Variants in DLD observed in about 807,000 individuals in gnomAD.
DLD encodes dihydrolipoyl dehydrogenase, mitochondrial.
A neutral mutation model predicts 62.2 loss-of-function variants in DLD; 36 were observed. The observed-to-expected ratio is 0.58, with a 90% CI of 0.44 to 0.76. The LOEUF is 0.76. Among genes scored for constraint, DLD ranks in the 30% least tolerant of loss-of-function variants. DLD has a pLI of 0.00. For missense variants in DLD, 541 were observed against 608.6 expected (o/e 0.89, Z 1.17); for synonymous variants, 204 against 199.6 (o/e 1.02, Z -0.19).
chr7:107,901,885 G>C (rs570777131), intron 3 of DLD, 68 bp downstream of exon 3: 1 of 1,322,658 alleles, frequency 7.6e-7, no homozygotes, highest in Non-Finnish European at 1.1e-6. Context: ...TATTTATAAA[G>C]TACTTTGCAG....
In DLD at chr7:107,905,336, A is replaced by C. The variant is rs1486604129; in HGVS notation, c.439-25A>C. On this transcript the variant is annotated intron_variant, in intron 6 of 13. Transcript: ENST00000205402. ...CAAACAAATTACTTTAAACTTTGTGAATTTATAAAGATTATTTTGTAAAGG... is the reference window on the plus strand; with the variant it reads ...CAAACAAATTACTTTAAACTTTGTGCATTTATAAAGATTATTTTGTAAAGG... 1.9e-6 allele frequency: 3 copies of C among 1,600,884 alleles called. No homozygotes were observed. The Admixed American group carries it at 5.0e-5, about 27-fold the overall frequency.
At chr7:107,898,709 G>A (rs975114893) in intron 2 of DLD, among the ~76,000 whole-genome samples, 3 of 151,828 alleles carry the variant, frequency 2.0e-5, no homozygotes, top group African/African-American at 7.3e-5. Flanking sequence ...TCCTGCCTCA[G>A]CCTCCCCAGC....
chr7:107,908,750 G>T (rs1159040063), intron 8 of DLD, among the ~76,000 whole-genome samples: 1 of 151,752 alleles, frequency 6.6e-6, no homozygotes, highest in South Asian at 2.1e-4. Flanking sequence ...GAAAGCTCAA[G>T]TCTTTCATTT....
At position 107,898,429 on chromosome 7, in the gene DLD, T is replaced by C. The variant is rs76653442; in HGVS notation, c.119-3309T>C. ...CCGAGTAGCTGGGGTTACAGGTGCT[T>C]GCCACCACGCCTGGCAATATTTTGT... On this transcript the variant is annotated intron_variant, in intron 2 of 13. Coordinates refer to ENST00000205402, the MANE Select transcript of DLD (RefSeq NM_000108.5). 9.0e-3 allele frequency among the ~76,000 whole-genome samples: 1,364 copies of C among 151,394 alleles called. 18 individuals carry two copies. The highest frequency in any genetic ancestry group is 0.031 in the African/African-American group (1,295 of 41,226).
At chr7:107,904,647 C>T (rs1433867653) in intron 5 of DLD, 6 of 482,196 alleles carry the variant, frequency 1.2e-5, no homozygotes, top group Non-Finnish European at 2.4e-5. Flanking sequence ...GTCATTTCTA[C>T]TTACATATCT....
rs757785953 is a variant in DLD, at chr7:107,904,962, C to T, written c.342C>T (p.Ser114=). 26 of 1,611,172 alleles carry T rather than the reference C, an allele frequency of 1.6e-5. No homozygotes were observed. The highest frequency in any genetic ancestry group is 4.4e-5 in the South Asian group (4 of 90,990). The stretch of plus-strand genomic sequence containing the variant: ...GATTAATTGAACAAATTACAGTGTC[C>T]GAAGTTCGCTTGAATTTAGACAAGA... ...KDFASRGIEM[S]EVRLNLDKMM... The change falls in exon 6 of 14, where the codon TCC becomes TCT. Residue 114 remains serine, a synonymous_variant. Coordinates refer to ENST00000205402, the MANE Select transcript of DLD (RefSeq NM_000108.5).
intron 1 of DLD, among the ~76,000 whole-genome samples, chr7:107,892,494 A>G (rs971496296): frequency 2.6e-5 from 4 of 152,182 alleles, no homozygotes; most frequent in African/African-American, 9.7e-5. Flanking sequence ...ATTATCATGT[A>G]TAGATTATTC....
At chr7:107,909,588 A>T (rs751028556) in intron 8 of DLD, among the ~76,000 whole-genome samples, 2 of 152,138 alleles carry the variant, frequency 1.3e-5, no homozygotes, top group Non-Finnish European at 2.9e-5. Flanking sequence ...CAGTCCAGAA[A>T]CCCTTCAGAA....
chr7:107,895,555 A>G (rs555222115), intron 2 of DLD, among the ~76,000 whole-genome samples: 2 of 152,370 alleles, frequency 1.3e-5, no homozygotes, highest in East Asian at 3.9e-4. Flanking sequence ...ACAAATACTA[A>G]TATCTACTAT....
Position 107,920,022 on chromosome 7 carries a change from T to A in DLD, c.*763T>A, listed in dbSNP as rs990016189. Reference sequence around the variant, plus strand: ...GGTCATAGTTTTTTTTATGACTACTTCTAGTGTATATTCTAATTTCTTTTC... The same window carrying A: ...GGTCATAGTTTTTTTTATGACTACTACTAGTGTATATTCTAATTTCTTTTC... On this transcript the variant is annotated 3_prime_UTR_variant, in exon 14 of 14. Transcript: ENST00000205402. The A allele has an allele frequency of 8.5e-5, 13 of 152,360 alleles. No homozygotes were observed. The highest frequency in any genetic ancestry group is 1.6e-4 in the Non-Finnish European group (11 of 68,052). The allele number at this position is 152,360 out of a possible 1,614,324, so 9.4% of individuals were successfully genotyped here. A position where few individuals can be genotyped will look rare whatever the true frequency, so the allele number is the denominator to read the frequency against.
chr7:107,913,453 G>A (rs2032191548), intron 8 of DLD, among the ~76,000 whole-genome samples: 1 of 149,820 alleles, frequency 6.7e-6, no homozygotes, highest in Admixed American at 6.7e-5. Context: ...TCACATCTTT[G>A]GCTAAATTGA....
At chr7:107,909,683 A>G (rs1013601322) in intron 8 of DLD, among the ~76,000 whole-genome samples, 2 of 152,146 alleles carry the variant, frequency 1.3e-5, no homozygotes, top group Non-Finnish European at 2.9e-5. Context: ...AATGTCTTCT[A>G]GTATTTAGCA....
chr7:107,891,242 A>C lies in DLD; in HGVS notation c.-9A>C, dbSNP rs775430275. On this transcript the variant is annotated 5_prime_UTR_variant, in exon 1 of 14. Coordinates refer to ENST00000205402, the MANE Select transcript of DLD (RefSeq NM_000108.5). ...AAAGTATTGGCGGAAAGGAAAATAC[A>C]GCGGAAAAATGCAGAGCTGGAGTCG... The C allele has an allele frequency of 2.5e-6, 4 of 1,613,994 alleles. No individual in the cohort carries two copies. The highest frequency in any genetic ancestry group is 1.3e-5 in the African/African-American group (1 of 74,928).
chr7:107,903,211 C>T (rs1359987784), intron 4 of DLD, among the ~76,000 whole-genome samples: 3 of 152,092 alleles, frequency 2.0e-5, no homozygotes. Flanking sequence ...CCAGCCTGAC[C>T]AACATGGAGA....
intron 8 of DLD, among the ~76,000 whole-genome samples, chr7:107,909,426 C>T (rs1049850967): frequency 6.6e-6 from 1 of 152,190 alleles, no homozygotes; most frequent in Non-Finnish European, 1.5e-5. Flanking sequence ...GATGAAACAT[C>T]GAAAGCCATC....
At chr7:107,917,219 G>C in intron 10 of DLD, 54 bp from the exon 11 acceptor site, 2 of 1,597,572 alleles carry the variant, frequency 1.3e-6, no homozygotes, top group Admixed American at 1.7e-5. Flanking sequence ...GTAACTGAAG[G>C]TAAGTAGCTG....
At chr7:107,904,337 G>A (rs1285696543) in intron 5 of DLD, among the ~76,000 whole-genome samples, 1 of 152,182 alleles carries the variant, frequency 6.6e-6, no homozygotes, top group Non-Finnish European at 1.5e-5. Flanking sequence ...GTGACCTTGG[G>A]TAAATCAGAA....
chr7:107,907,225 C>G (rs559778977), intron 8 of DLD, among the ~76,000 whole-genome samples: 1 of 152,206 alleles, frequency 6.6e-6, no homozygotes, highest in East Asian at 1.9e-4. Flanking sequence ...AGCAGTCTGC[C>G]TTTTTTATGC....
intron 8 of DLD, among the ~76,000 whole-genome samples, chr7:107,912,584 G>A (rs1205827901): frequency 6.6e-6 from 1 of 152,118 alleles, no homozygotes; most frequent in African/African-American, 2.4e-5. Flanking sequence ...GATTAATAAT[G>A]TTGAACATTT....
Sources: allele counts gnomAD v4.1 joint callset (sites outside exome capture counted in the v4.1 genomes callset), GRCh38; gene constraint gnomAD v4.1.1; transcripts MANE v1.5; gene names NCBI Gene and HGNC (gene_info 2026-07-23, HGNC 2026-07-21).